ACOT7: variants seen among roughly 807,000 people sequenced by gnomAD.
ACOT7 encodes the protein cytosolic acyl coenzyme A thioester hydrolase.
A neutral mutation model predicts 40.2 loss-of-function variants in ACOT7; 12 were observed. The observed-to-expected ratio is 0.30, with a 90% CI of 0.19 to 0.48. The LOEUF (loss-of-function observed/expected upper bound fraction) is 0.48, where lower values mean the gene tolerates loss of function less well. ACOT7 is among the 20% of genes least tolerant of loss of function. ACOT7 has a pLI of 0.99. For missense variants in ACOT7, 395 were observed against 530.8 expected, an observed-to-expected ratio of 0.74 and a Z score of 2.51; for synonymous variants, 228 against 219.5, an observed-to-expected ratio of 1.04 and a Z score of -0.34.
intron 1 of ACOT7, among the ~76,000 whole-genome samples, chr1:6,379,136 C>T (rs940796461): frequency 3.3e-5 from 5 of 151,902 alleles, no homozygotes; most frequent in South Asian, 4.1e-4. Context: ...CTTCATGATC[C>T]GCCCACCTCG....
intron 3 of ACOT7, 91 bp from the exon 4 acceptor site, chr1:6,333,659 C>CGGTCCCAGTACCT (rs1553159540): frequency 1.6e-6 from 2 of 1,262,724 alleles, no homozygotes; most frequent in Non-Finnish European, 2.3e-6. Context: ...CTCCAGCGCC[C>CGGTCCCAGTACCT]GGTCCCAGTA....
intron 8 of ACOT7, among the ~76,000 whole-genome samples, chr1:6,267,694 A>G (rs886276661): frequency 2.1e-4 from 32 of 152,232 alleles, no homozygotes; most frequent in Admixed American, 1.9e-3. Flanking sequence ...GATCCCTTTC[A>G]TAAGGAACCA....
chr1:6,377,153 C>T lies in ACOT7; in HGVS notation c.143+16104G>A, dbSNP rs185002341. The stretch of plus-strand genomic sequence containing the variant: ...TGGTGAGAATGCAAAATGGCACAGC[C>T]ACTTTGGAAGACAGTTTGGCAGTTT... On this transcript the variant is annotated intron_variant, in intron 1 of 8. Transcript: ENST00000361521. Among the ~76,000 whole-genome samples the T allele has an allele frequency of 2.0e-3, 300 of 152,236 alleles. 1 individual carries two copies. Among genetic ancestry groups the T allele is most frequent in the African/African-American group, 6.8e-3 (282 of 41,558 alleles).
rs763942411 is a variant in ACOT7 at position 6,358,891 on chromosome 1, G to A, written c.144-9025C>T. ...ATCAGATGCAGAGAAAGGCGAGGGA[G>A]CAGGGAAGCATCACAGAGTCCTTGC... On this transcript the variant is annotated intron_variant, in intron 1 of 8. Transcript: ENST00000361521. The surrounding 1 kb of genome is among the most constrained non-coding windows in gnomAD (Gnocchi z 4.1). 1.2e-6 allele frequency: 2 copies of A among 1,611,426 alleles called. No homozygotes were observed. The highest frequency in any genetic ancestry group is 1.7e-6 in the Non-Finnish European group (2 of 1,178,680).
In ACOT7 at chr1:6,278,082, C is replaced by A. The variant is rs1883607; in HGVS notation, c.1014+3020G>T. 1.4e-5 allele frequency among the ~76,000 whole-genome samples: 2 copies of A among 142,396 alleles called. No individual in the cohort carries two copies. The highest frequency in any genetic ancestry group is 2.4e-4 in the East Asian group (1 of 4,180). The allele number at this position is 142,396 out of a possible 152,430, so 93.4% of individuals were successfully genotyped here. The stretch of plus-strand genomic sequence containing the variant: ...ACAGTCCACGCAGCGTCTGCAGTGG[C>A]GGGGGGTGGTTGGGAGGGGGTCTGG... On this transcript the variant is annotated intron_variant, in intron 8 of 8. Coordinates refer to ENST00000361521, the MANE Select transcript of ACOT7 (RefSeq NM_007274.4). The surrounding 1 kb of genome is among the most constrained non-coding windows in gnomAD (Gnocchi z 4.1).
chr1:6,294,144 T>C lies in ACOT7; in HGVS notation c.829+720A>G, dbSNP rs1331757187. Among the ~76,000 whole-genome samples, 1 of 152,244 alleles carries C rather than the reference T, an allele frequency of 6.6e-6. No homozygotes were observed. The highest frequency in any genetic ancestry group is 1.5e-5 in the Non-Finnish European group (1 of 68,038). On this transcript the variant is annotated intron_variant, in intron 7 of 8. Coordinates refer to ENST00000361521, the MANE Select transcript of ACOT7 (RefSeq NM_007274.4). The surrounding 1 kb of genome is among the most constrained non-coding windows in gnomAD (Gnocchi z 4.6). ...CGATGCTGACACCACCCTCGGTCTG[T>C]GAGGCAGTGCTGCTGCAGGGGGTGC...
intron 4 of ACOT7, among the ~76,000 whole-genome samples, chr1:6,328,985 T>C (rs1359214085): frequency 6.6e-6 from 1 of 152,124 alleles, no homozygotes; most frequent in Non-Finnish European, 1.5e-5. Flanking sequence ...CTGATTAGCC[T>C]CCACTTCTGC....
rs569518530 is a variant in ACOT7 at position 6,322,853 on chromosome 1, G to A, written c.626-4275C>T. On this transcript the variant is annotated intron_variant, in intron 5 of 8. Coordinates refer to ENST00000361521, the MANE Select transcript of ACOT7 (RefSeq NM_007274.4). ...AAGCCTCGGAAATGACACTGGGGCC[G>A]GGCGCAGTGGCTCATGCCTGTAATC... 9.0e-4 allele frequency among the ~76,000 whole-genome samples: 137 copies of A among 152,266 alleles called. 1 individual carries two copies. Among genetic ancestry groups the A allele is most frequent in the Middle Eastern group, 3.4e-3 (1 of 294 alleles).
chr1:6,317,453 C>CT (rs1640524694), intron 6 of ACOT7, among the ~76,000 whole-genome samples: 1 of 152,176 alleles, frequency 6.6e-6, no homozygotes, highest in South Asian at 2.1e-4. Flanking sequence ...AAGCTACGAA[C>CT]TTTAAGGCCT....
In ACOT7 at chr1:6,310,874, A is replaced by G. The variant is rs531293612; in HGVS notation, c.712+7618T>C. Among the ~76,000 whole-genome samples, 3 of 152,222 alleles carry G rather than the reference A, an allele frequency of 2.0e-5. No individual in the cohort carries two copies. The East Asian group carries it at 5.8e-4, about 29-fold the overall frequency. On this transcript the variant is annotated intron_variant, in intron 6 of 8. Transcript: ENST00000361521. Reference sequence around the variant, plus strand: ...TGCCTCAGCCTCCCAAGTAGCTGGGATTACAGGTACCTGCCACTACACCTG... The same window carrying G: ...TGCCTCAGCCTCCCAAGTAGCTGGGGTTACAGGTACCTGCCACTACACCTG...
chr1:6,269,027 T>C (rs2148362796), intron 8 of ACOT7, among the ~76,000 whole-genome samples: 1 of 152,330 alleles, frequency 6.6e-6, no homozygotes, highest in East Asian at 1.9e-4. Context: ...GGATATTCCC[T>C]GCGCAACCCA....
intron 1 of ACOT7, among the ~76,000 whole-genome samples, chr1:6,367,265 G>C (rs547797978): frequency 4.6e-5 from 7 of 152,182 alleles, no homozygotes; most frequent in Non-Finnish European, 8.8e-5. Flanking sequence ...TAAGTTTATG[G>C]AATATTCTAA....
At chr1:6,361,206 C>G (rs1049018707) in intron 1 of ACOT7, among the ~76,000 whole-genome samples, 1 of 152,070 alleles carries the variant, frequency 6.6e-6, no homozygotes, top group Non-Finnish European at 1.5e-5. Context: ...TTGAAACCAC[C>G]CTGGGTGAAA....
rs56933792 is a variant in ACOT7 at position 6,393,563 on chromosome 1, C to G, written c.-164G>C. ...GCTGCAGAGAGCTCGCGCGGGCGTA[C>G]GATTCTGGCGGCGTGGGGGCCCAGG... On this transcript the variant is annotated 5_prime_UTR_variant, in exon 1 of 9. Transcript: ENST00000361521. 8 of 568,196 alleles carry G rather than the reference C, an allele frequency of 1.4e-5. No homozygotes were observed. Among genetic ancestry groups the G allele is most frequent in the East Asian group, 8.5e-5 (2 of 23,582 alleles). 35.2% of individuals were successfully genotyped at this position (568,196 alleles called of 1,614,324 possible).
At chr1:6,357,834 C>CT (rs144855000) in intron 1 of ACOT7, among the ~76,000 whole-genome samples, 2,220 of 151,454 alleles carry the variant, frequency 0.015, 50 homozygotes, top group African/African-American at 0.052. Flanking sequence ...ATGGGGGACT[C>CT]TGCCAAACAG....
chr1:6,305,159 G>A (rs1367402984), intron 6 of ACOT7, among the ~76,000 whole-genome samples: 5 of 146,762 alleles, frequency 3.4e-5, no homozygotes, highest in Admixed American at 2.0e-4. Flanking sequence ...GGGCAGAGGC[G>A]CCCCTCACCT....
intron 2 of ACOT7, among the ~76,000 whole-genome samples, chr1:6,346,775 A>C (rs1436218077): frequency 6.6e-6 from 1 of 152,120 alleles, no homozygotes; most frequent in Non-Finnish European, 1.5e-5. Flanking sequence ...CATTGGACCC[A>C]AAGTGGGGGT....
chr1:6,268,200 G>A (rs1042502507), intron 8 of ACOT7, among the ~76,000 whole-genome samples: 1 of 152,112 alleles, frequency 6.6e-6, no homozygotes, highest in Non-Finnish European at 1.5e-5. Flanking sequence ...CTGCTGAATC[G>A]TATCCTGGAA....
chr1:6,359,039 AC>A lies in ACOT7; in HGVS notation c.144-9174del. 1.2e-6 allele frequency: 1 copy of A among 814,400 alleles called. No individual in the cohort carries two copies. The highest frequency in any genetic ancestry group is 1.8e-6 in the Non-Finnish European group (1 of 549,988). 50.4% of individuals were successfully genotyped at this position (814,400 alleles called of 1,614,324 possible). On this transcript the variant is annotated intron_variant, in intron 1 of 8. Coordinates refer to ENST00000361521, the MANE Select transcript of ACOT7 (RefSeq NM_007274.4). This position sits in a 1 kb window ranked among gnomAD's most constrained non-coding sequence, Gnocchi z 4.1. ...GCTGCCTCGCCAATCCAGAGCGTCT[AC>A]CAGAAACCGGTCGTCATGGAAACCT...
Sources: gnomAD v4.1 joint callset for allele counts (sites outside exome capture counted in the v4.1 genomes callset) on GRCh38, gnomAD v4.1.1 for gene constraint, Gnocchi (gnomAD v3.1) non-coding constraint, MANE v1.5 for transcripts, NCBI Gene and HGNC (gene_info 2026-07-23, HGNC 2026-07-21) for gene names.